STARD9: variants seen among roughly 807,000 people sequenced by gnomAD.
STARD9 encodes the protein StAR related lipid transfer domain containing 9.
Under a neutral mutation model 399.8 loss-of-function variants are expected in STARD9, and 346 were observed. That is an observed-to-expected ratio of 0.87 (90% CI 0.79 to 0.95). STARD9 has a LOEUF of 0.95. Among genes scored for constraint, STARD9 ranks in the 40% least tolerant of loss-of-function variants. The pLI is 0.00. For synonymous variants in STARD9, 2,203 were observed against 2,143.5 expected, an observed-to-expected ratio of 1.03 and a Z score of -0.77; for missense variants, 5,832 against 5,667.5, an observed-to-expected ratio of 1.03 and a Z score of -0.93.
chr15:42,579,287 G>A (rs1445291198), intron 1 of STARD9, among the ~76,000 whole-genome samples: 1 of 152,136 alleles, frequency 6.6e-6, no homozygotes, highest in African/African-American at 2.4e-5. Context: ...AACTAGAGGG[G>A]AAAATAAAGA....
rs997640820 is a variant in STARD9 at position 42,685,991 on chromosome 15, C to T, written c.4413C>T (p.Thr1471=). ...CAAACGTGCTGGCTGCCTCTGCCAC[C>T]ACCTTGACTCATGTAGGCAGCACCC... ...SVSNVLAASA[T]TLTHVGSTHE... Residue 1471 remains threonine, a synonymous_variant, in exon 23 of 33, where the codon ACC becomes ACT. Coordinates refer to ENST00000290607, the MANE Select transcript of STARD9 (RefSeq NM_020759.3). The T allele has an allele frequency of 1.3e-6, 2 of 1,537,322 alleles. No homozygotes were observed. Among genetic ancestry groups the T allele is most frequent in the South Asian group, 1.2e-5 (1 of 84,062 alleles).
chr15:42,707,346 G>A (rs1228149897), intron 26 of STARD9, among the ~76,000 whole-genome samples: 5 of 152,098 alleles, frequency 3.3e-5, no homozygotes, highest in South Asian at 2.1e-4. Flanking sequence ...GAGGACATTC[G>A]CAAATCCATC....
chr15:42,639,556 G>T (rs905727227), intron 7 of STARD9, among the ~76,000 whole-genome samples: 4 of 152,094 alleles, frequency 2.6e-5, no homozygotes, highest in Non-Finnish European at 4.4e-5. Flanking sequence ...ACCCTTCCAG[G>T]CCACTTATAA....
At chr15:42,666,448 G>A (rs887317340) in intron 15 of STARD9, among the ~76,000 whole-genome samples, 33 of 152,120 alleles carry the variant, frequency 2.2e-4, no homozygotes, top group Non-Finnish European at 2.4e-4. Context: ...GATAACATAA[G>A]CAAAGCCTTG....
At chr15:42,677,089 TAAAAAAAAAAAAAAA>T (rs869040683) in intron 20 of STARD9, among the ~76,000 whole-genome samples, 4 of 53,608 alleles carry the variant, frequency 7.5e-5, no homozygotes, top group South Asian at 2.0e-3. Context: ...CGTCTCTACT[TAAAAAAAAAAAAAAA>T]AAAAAAAAAA....
At chr15:42,594,638 TTTTG>T (rs1370748574) in intron 3 of STARD9, among the ~76,000 whole-genome samples, 1 of 152,318 alleles carries the variant, frequency 6.6e-6, no homozygotes, top group Non-Finnish European at 1.5e-5. Flanking sequence ...TAGAAGTTTT[TTTTG>T]TTTGTTTGTT....
Position 42,693,399 on chromosome 15 carries a change from G to T in STARD9, c.11821G>T (p.Val3941Phe). Residue 3941 changes from valine to phenylalanine, a missense_variant, in exon 23 of 33, where the codon GTT (valine) becomes TTT (phenylalanine). Coordinates refer to ENST00000290607, the MANE Select transcript of STARD9 (RefSeq NM_020759.3). ...GAAGCTTGACTCCAGCCCAGACCCT[G>T]TTGATGCCCCAAGGACTCCAATGGA... is the stretch of plus-strand genomic sequence containing the variant. ...HQKLDSSPDP[V>F]DAPRTPMDNY... 4 of 1,537,194 alleles carry T rather than the reference G, an allele frequency of 2.6e-6. No homozygotes were observed. The highest frequency in any genetic ancestry group is 1.2e-5 in the South Asian group (1 of 84,064).
Position 42,652,565 on chromosome 15 carries a change from C to A in STARD9, c.675C>A (p.His225Gln). The A allele has an allele frequency of 6.5e-7, 1 of 1,537,008 alleles. No individual in the cohort carries two copies. Among genetic ancestry groups the A allele is most frequent in the Non-Finnish European group, 8.7e-7 (1 of 1,146,704 alleles). Reference protein sequence around the residue: ...THVHEASSRSHAIFTIHYTQA... With the variant: ...THVHEASSRSQAIFTIHYTQA... ...TTCATGAGGCCAGCAGCAGATCCCA[C>A]GCCATTTTCACGATCCACTACACGC... The change falls in exon 9 of 33, where the codon CAC (histidine) becomes CAA (glutamine). Residue 225 changes from histidine to glutamine, a missense_variant. Transcript: ENST00000290607.
intron 3 of STARD9, among the ~76,000 whole-genome samples, chr15:42,585,998 A>T (rs2058270440): frequency 6.6e-6 from 1 of 152,236 alleles, no homozygotes; most frequent in Non-Finnish European, 1.5e-5. Flanking sequence ...TTTGTCTGAA[A>T]CTAATGATGT....
At chr15:42,680,437 TA>T (rs2060404847) in intron 20 of STARD9, among the ~76,000 whole-genome samples, 4 of 151,902 alleles carry the variant, frequency 2.6e-5, no homozygotes, top group Admixed American at 2.6e-4. Context: ...CTGTCTCTAC[TA>T]AAAATACAAA....
In STARD9 at chr15:42,592,605, C is replaced by T. The variant is rs183691440; in HGVS notation, c.234+6968C>T. On this transcript the variant is annotated intron_variant, in intron 3 of 32. Transcript: ENST00000290607. ...GATTACAGGTGTGTGCCACCACACC[C>T]GGCTAATTTTTGTATTTGTAGTAGA... is the stretch of plus-strand genomic sequence containing the variant. 2.6e-4 allele frequency among the ~76,000 whole-genome samples: 39 copies of T among 152,082 alleles called. No homozygotes were observed. The East Asian group carries it at 6.6e-3, about 26-fold the overall frequency.
In STARD9 at chr15:42,607,651, T is replaced by TACACACACAC. The variant is rs10655556; in HGVS notation, c.234+22040_234+22049dup. Among the ~76,000 whole-genome samples, 1,111 of 143,770 alleles carry TACACACACAC rather than the reference T, an allele frequency of 7.7e-3. 8 individuals carry two copies. The highest frequency in any genetic ancestry group is 0.016 in the African/African-American group (643 of 39,112). The allele number at this position is 143,770 out of a possible 152,430, so 94.3% of individuals were successfully genotyped here. On this transcript the variant is annotated intron_variant, in intron 3 of 32. Transcript: ENST00000290607. ...AATATATTATACACACACACACTTA[T>TACACACACAC]ACACACACACACACACACACACACA...
chr15:42,693,225 CAGA>C lies in STARD9; in HGVS notation c.11653_11655del (p.Lys3885del), dbSNP rs1196951271. ...CGAGTATCCTGGGGACTCCAGGGTC[CAGA>C]AGAAGCTGGGCCCCACAAGTGCTTT... On this transcript the variant is annotated inframe_deletion, in exon 23 of 33. Transcript: ENST00000290607. 19 of 1,536,908 alleles carry C rather than the reference CAGA, an allele frequency of 1.2e-5. No individual in the cohort carries two copies. The highest frequency in any genetic ancestry group is 1.4e-5 in the Non-Finnish European group (16 of 1,146,864).
intron 3 of STARD9, among the ~76,000 whole-genome samples, chr15:42,630,853 T>A (rs1255601890): frequency 6.6e-6 from 1 of 152,098 alleles, no homozygotes; most frequent in Admixed American, 6.5e-5. Flanking sequence ...ATTTTATCTT[T>A]TCAAAATACC....
Position 42,685,147 on chromosome 15 carries a change from C to T in STARD9, c.3569C>T (p.Ser1190Leu), listed in dbSNP as rs78175317. Residue 1190 changes from serine (S) to leucine (L), a missense_variant, in exon 23 of 33, where the codon TCA (serine) becomes TTA (leucine). This residue lies in a region of STARD9 where 5,828 missense variants were observed against 5,651.1 expected (regional missense o/e 1.03). Coordinates refer to ENST00000290607, the MANE Select transcript of STARD9 (RefSeq NM_020759.3). ...TCTGTGAGGGGCTTCACTGCAGCCT[C>T]AGACAGTGACCTACTTGCTCAAACT... ...RASVRGFTAA[S>L]DSDLLAQTHR... 7.2e-4 allele frequency: 1,109 copies of T among 1,537,202 alleles called. 8 individuals carry two copies. In the African/African-American group the frequency reaches 0.014, roughly 19 times the overall value.
Position 42,688,745 on chromosome 15 carries a change from C to T in STARD9, c.7167C>T (p.Ser2389=). 6.5e-7 allele frequency: 1 copy of T among 1,537,694 alleles called. No homozygotes were observed. The highest frequency in any genetic ancestry group is 8.7e-7 in the Non-Finnish European group (1 of 1,147,022). ...EHQDQSTETR[S]HSPEGNVRGR... ...AGGACCAGAGTACGGAGACCAGAAG[C>T]CACAGCCCCGAAGGAAATGTTAGAG... is the stretch of plus-strand genomic sequence containing the variant. Residue 2389 remains serine (S), a synonymous_variant, in exon 23 of 33, where the codon AGC becomes AGT. Coordinates refer to ENST00000290607, the MANE Select transcript of STARD9 (RefSeq NM_020759.3).
At chr15:42,700,791 A>G (rs57481952) in intron 26 of STARD9, among the ~76,000 whole-genome samples, 3,379 of 151,974 alleles carry the variant, frequency 0.022, 118 homozygotes, top group African/African-American at 0.076. Flanking sequence ...TCATTTGTCT[A>G]TTTTTGCTTT....
chr15:42,635,036 C>A, intron 4 of STARD9, 64 bp downstream of exon 4: 1 of 799,476 alleles, frequency 1.3e-6, no homozygotes, highest in Non-Finnish European at 1.9e-6. Flanking sequence ...ATTGTCCTTA[C>A]TACTGTGAGA....
At chr15:42,713,449 A>G (rs1410182478) in intron 26 of STARD9, among the ~76,000 whole-genome samples, 1 of 152,126 alleles carries the variant, frequency 6.6e-6, no homozygotes, top group African/African-American at 2.4e-5. Flanking sequence ...ATGTGGTGAG[A>G]GCCGATGTCC....
Sources: gnomAD v4.1 joint callset for allele counts (sites outside exome capture counted in the v4.1 genomes callset) on GRCh38, gnomAD v4.1.1 for gene constraint, gnomAD v4.1.1 regional missense constraint, MANE v1.5 for transcripts, NCBI Gene and HGNC (gene_info 2026-07-23, HGNC 2026-07-21) for gene names.